The following ABCA8 variants were observed in gnomAD, a reference collection of about 807,000 sequenced individuals.
ABCA8 encodes ATP binding cassette subfamily A member 8.
A neutral mutation model predicts 192.3 loss-of-function variants in ABCA8; 177 were observed. The observed-to-expected ratio is 0.92, with a 90% confidence interval of 0.81 to 1.04. The LOEUF (loss-of-function observed/expected upper bound fraction) is 1.04, where lower values mean the gene tolerates loss of function less well. Among genes scored for constraint, ABCA8 ranks in the 50% least tolerant of loss-of-function variants. The pLI is 0.00. For synonymous variants in ABCA8, 642 were observed against 690.2 expected, an observed-to-expected ratio of 0.93 and a Z score of 1.09; for missense variants, 1,915 against 1,904.8, an observed-to-expected ratio of 1.01 and a Z score of -0.10.
Position 68,922,545 on chromosome 17 carries a change from TA to T in ABCA8, c.1443-246del, listed in dbSNP as rs796224546. Among the ~76,000 whole-genome samples, 73 of 152,130 alleles carry T rather than the reference TA, an allele frequency of 4.8e-4. 2 individuals are homozygous for T. Among genetic ancestry groups the T allele is most frequent in the African/African-American group, 1.7e-3 (71 of 41,526 alleles). Reference sequence around the variant, plus strand: ...AGAATTTCACTGTGATTGGGACCCATAAGCAAAGGTTCCATAGATTGGGGTA... The same window carrying T: ...AGAATTTCACTGTGATTGGGACCCATAGCAAAGGTTCCATAGATTGGGGTA... On this transcript the variant is annotated intron_variant, in intron 11 of 39. Transcript: ENST00000586539.
chr17:68,921,023 A>C (rs1017060009), intron 13 of ABCA8, among the ~76,000 whole-genome samples: 1 of 152,222 alleles, frequency 6.6e-6, no homozygotes, highest in Non-Finnish European at 1.5e-5. Flanking sequence ...TGCAGCCATA[A>C]AAAATGATGA....
At chr17:68,933,458 T>G (rs927880950) in intron 5 of ABCA8, among the ~76,000 whole-genome samples, 187 bp from the exon 6 acceptor site, 2 of 152,140 alleles carry the variant, frequency 1.3e-5, no homozygotes, top group African/African-American at 4.8e-5. Flanking sequence ...TCAGGCAGAA[T>G]CATGAGGTGG....
intron 10 of ABCA8, among the ~76,000 whole-genome samples, chr17:68,926,952 G>C (rs756292606): frequency 6.6e-6 from 1 of 152,134 alleles, no homozygotes. Context: ...GGTTATAAAA[G>C]GAGGGAGAAA....
At position 68,927,801 on chromosome 17, in the gene ABCA8, T is replaced by C. The variant is rs2067744037; in HGVS notation, c.1273+115A>G. 5.0e-6 allele frequency: 4 copies of C among 807,388 alleles called. No individual in the cohort carries two copies. The African/African-American group carries it at 5.5e-5, about 11-fold the overall frequency. 50.0% of individuals were successfully genotyped at this position (807,388 alleles called of 1,614,324 possible). ...GTAGCGACGACTTTGTTCCTCTCTT[T>C]GCTGTTGATACACAAAATAGTTCTT... is the stretch of plus-strand genomic sequence containing the variant. On this transcript the variant is annotated intron_variant, in intron 10 of 39. Coordinates refer to ENST00000586539, the MANE Select transcript of ABCA8 (RefSeq NM_001288985.2).
chr17:68,895,658 C>T (rs1475441453), intron 21 of ABCA8, among the ~76,000 whole-genome samples: 1 of 152,174 alleles, frequency 6.6e-6, no homozygotes, highest in East Asian at 1.9e-4. Context: ...AAGCTTCACT[C>T]TGAAAGGGTG....
intron 16 of ABCA8, among the ~76,000 whole-genome samples, chr17:68,917,836 G>T (rs2143600600): frequency 6.6e-6 from 1 of 152,278 alleles, no homozygotes; most frequent in Non-Finnish European, 1.5e-5. Flanking sequence ...GGCAGATCAT[G>T]CTTCTATGTG....
chr17:68,877,431 C>T (rs910527858), intron 33 of ABCA8, 88 bp downstream of exon 33: 8 of 1,293,824 alleles, frequency 6.2e-6, no homozygotes, highest in African/African-American at 1.5e-5. Flanking sequence ...TTTAGAGTCT[C>T]CCATCCTGAA....
intron 10 of ABCA8, among the ~76,000 whole-genome samples, chr17:68,927,535 C>T (rs2067734136): frequency 6.6e-6 from 1 of 152,056 alleles, no homozygotes; most frequent in African/African-American, 2.4e-5. Flanking sequence ...AAATTCTTCA[C>T]ATGATTCTGT....
chr17:68,917,599 A>G (rs2067408180), intron 16 of ABCA8, 148 bp from the exon 17 acceptor site: 1 of 557,402 alleles, frequency 1.8e-6, no homozygotes. Context: ...ACTCAATGAA[A>G]TAGACACATT....
chr17:68,938,864 T>C (rs559290733), intron 4 of ABCA8, among the ~76,000 whole-genome samples: 68 of 152,330 alleles, frequency 4.5e-4, no homozygotes, highest in African/African-American at 1.5e-3. Context: ...TAGTTGGCTT[T>C]CAATCAGTTA....
chr17:68,928,164 A>G, intron 9 of ABCA8, 101 bp from the exon 10 acceptor site: 1 of 969,380 alleles, frequency 1.0e-6, no homozygotes, highest in Non-Finnish European at 1.5e-6. Context: ...ATTGCCTCAT[A>G]CTGAGAATAG....
chr17:68,902,318 G>A (rs73357309), intron 21 of ABCA8, among the ~76,000 whole-genome samples: 5,115 of 152,186 alleles, frequency 0.034, 280 homozygotes, highest in African/African-American at 0.11. Flanking sequence ...ATTGCTATTC[G>A]GTATGGGGTT....
At chr17:68,924,924 G>C in intron 10 of ABCA8, 55 bp from the exon 11 acceptor site, 1 of 1,569,946 alleles carries the variant, frequency 6.4e-7, no homozygotes, top group Admixed American at 1.8e-5. Context: ...TAGGGAGAGA[G>C]AGTCACAGTA....
At position 68,918,144 on chromosome 17, in the gene ABCA8, A is replaced by T; in HGVS notation, c.1950T>A (p.Phe650Leu). 1 of 1,614,190 alleles carries T rather than the reference A, an allele frequency of 6.2e-7. No homozygotes were observed. Among genetic ancestry groups the T allele is most frequent in the South Asian group, 1.1e-5 (1 of 91,080 alleles). ...GAAGGTTCCATACTTGGTGTCTTGA[A>T]AAGGGATCCAATCCAGCAGTTGGTT... ...LDEPTAGLDPFSRHQVWNLLK... is the reference protein window; with the variant it reads ...LDEPTAGLDPLSRHQVWNLLK... Residue 650 changes from phenylalanine to leucine, a missense_variant, in exon 16 of 40, where the codon TTT becomes TTA. Transcript: ENST00000586539.
intron 21 of ABCA8, among the ~76,000 whole-genome samples, chr17:68,897,008 T>C (rs541771182): frequency 8.3e-4 from 127 of 152,342 alleles, no homozygotes; most frequent in African/African-American, 2.9e-3. Context: ...CGTGTTCTTA[T>C]GGATGGCCAT....
chr17:68,944,341 T>C (rs1013582056), intron 2 of ABCA8, among the ~76,000 whole-genome samples: 1 of 75,458 alleles, frequency 1.3e-5, no homozygotes, highest in South Asian at 5.9e-4. Flanking sequence ...TATATATATA[T>C]ATATATATAT....
At position 68,932,527 on chromosome 17, in the gene ABCA8, A is replaced by G. The variant is rs1311404482; in HGVS notation, c.571-13T>C. 1.3e-6 allele frequency: 2 copies of G among 1,571,424 alleles called. No individual in the cohort carries two copies. Among genetic ancestry groups the G allele is most frequent in the Admixed American group, 1.7e-5 (1 of 59,188 alleles). On this transcript the variant is annotated splice_polypyrimidine_tract_variant and intron_variant, in intron 6 of 39. Transcript: ENST00000586539. ...GATTTGTTGTGATCTGAAGAAAGGC[A>G]TTAATAAGCAAAATTTGTACGTTAA...
chr17:68,939,296 GTTC>G (rs1428420230), intron 4 of ABCA8, among the ~76,000 whole-genome samples: 1 of 152,062 alleles, frequency 6.6e-6, no homozygotes, highest in African/African-American at 2.4e-5. Context: ...TTGACATCCA[GTTC>G]TTCTAATAAA....
At chr17:68,945,854 T>C (rs2068388093) in intron 2 of ABCA8, among the ~76,000 whole-genome samples, 1 of 152,088 alleles carries the variant, frequency 6.6e-6, no homozygotes, top group Non-Finnish European at 1.5e-5. Context: ...GTGTATGCAC[T>C]TTGAAGTATT....
Sources: gnomAD v4.1 joint callset for allele counts (sites outside exome capture counted in the v4.1 genomes callset) on GRCh38, gnomAD v4.1.1 for gene constraint, MANE v1.5 for transcripts, NCBI Gene and HGNC (gene_info 2026-07-23, HGNC 2026-07-21) for gene names.